The following SLC35F4 variants were observed in gnomAD, a reference collection of about 807,000 sequenced individuals.
SLC35F4 encodes the protein chromosome 14 open reading frame 36.
In SLC35F4, 24 loss-of-function variants were observed where a neutral mutation model predicts 44.2. The ratio of observed to expected loss-of-function variants is 0.54; its 90% CI spans 0.39 to 0.76. SLC35F4 has a LOEUF of 0.76. Among genes scored for constraint, SLC35F4 ranks in the 30% least tolerant of loss-of-function variants. The probability of loss-of-function intolerance (pLI) is 0.00; values close to 1 mark genes in which losing one functional copy is unlikely to be tolerated. For synonymous variants in SLC35F4, 238 were observed against 223.6 expected (o/e 1.06, Z -0.57); for missense variants, 562 against 586.1 (o/e 0.96, Z 0.42).
At chr14:57,813,821 C>T (rs1039540518) in intron 1 of SLC35F4, among the ~76,000 whole-genome samples, 29 of 152,028 alleles carry the variant, frequency 1.9e-4, no homozygotes, top group Admixed American at 1.1e-3. Context: ...CTGGCTCAGC[C>T]GCAGGCCACA....
At chr14:57,595,898 C>A (rs1338506987) in intron 1 of SLC35F4, 1 of 152,152 alleles carries the variant, frequency 6.6e-6, no homozygotes, top group East Asian at 1.9e-4. Context: ...GTTGCCAGAA[C>A]CTAGGATGGA....
intron 1 of SLC35F4, among the ~76,000 whole-genome samples, chr14:57,886,879 G>A (rs185281471): frequency 7.9e-5 from 12 of 152,256 alleles, no homozygotes; most frequent in Admixed American, 2.0e-4. Context: ...AGGAAGTGTC[G>A]AGAAGGAAAG....
At chr14:57,643,883 A>T (rs1425369138) in intron 1 of SLC35F4, among the ~76,000 whole-genome samples, 3 of 151,640 alleles carry the variant, frequency 2.0e-5, no homozygotes, top group South Asian at 2.1e-4. Context: ...TTTTTTGTCC[A>T]TGCGATAGTT....
Position 57,629,846 on chromosome 14 carries a change from G to T in SLC35F4, c.104-35722C>A. On this transcript the variant is annotated intron_variant, in intron 1 of 7. Transcript: ENST00000556826. ...TGGGAGTGGAGGATCGGCAGCCGGA[G>T]ATGCAGACAGTTTGCTGAGACTGCT... 8 of 338,772 alleles carry T rather than the reference G, an allele frequency of 2.4e-5. 1 individual carries two copies. Among genetic ancestry groups the T allele is most frequent in the South Asian group, 1.2e-4 (5 of 41,622 alleles). The allele number at this position is 338,772 out of a possible 1,614,324, so 21.0% of individuals were successfully genotyped here.
At chr14:57,604,920 C>A (rs2071057633) in intron 1 of SLC35F4, among the ~76,000 whole-genome samples, 1 of 152,116 alleles carries the variant, frequency 6.6e-6, no homozygotes, top group Non-Finnish European at 1.5e-5. Context: ...AAGAATGAAA[C>A]TGGACCCATA....
Position 57,966,838 on chromosome 14 carries a change from C to T in SLC35F4, n.282+15075G>A, listed in dbSNP as rs540530591. Among the ~76,000 whole-genome samples, 38 of 152,076 alleles carry T rather than the reference C, an allele frequency of 2.5e-4. No individual in the cohort carries two copies. In the South Asian group the frequency reaches 5.4e-3, roughly 22 times the overall value. On this transcript the variant is annotated intron_variant and non_coding_transcript_variant, in intron 1 of 1. Transcript: ENST00000556568. ...CAGCCTGGCCAACATGGCGAAACCC[C>T]GTCTCTACTAAAAATACAAAAATCA...
At chr14:57,629,472 C>T (rs1321099572) in intron 1 of SLC35F4, among the ~76,000 whole-genome samples, 1 of 151,844 alleles carries the variant, frequency 6.6e-6, no homozygotes, top group Admixed American at 6.6e-5. Flanking sequence ...CATGGTGCAA[C>T]CAGAAGGAAG....
intron 1 of SLC35F4, among the ~76,000 whole-genome samples, chr14:57,943,763 A>T (rs764143577): frequency 2.6e-5 from 4 of 152,180 alleles, no homozygotes; most frequent in Admixed American, 2.0e-4. Context: ...TCTAATTCTA[A>T]ATCTTGAGAA....
chr14:57,794,961 T>A (rs1468237960), intron 1 of SLC35F4, among the ~76,000 whole-genome samples: 1 of 152,150 alleles, frequency 6.6e-6, no homozygotes, highest in Non-Finnish European at 1.5e-5. Flanking sequence ...GGGTTTTGAA[T>A]TCCTGCTCCA....
rs144904099 is a variant in SLC35F4, at chr14:57,908,851, C to T, written n.282+73062G>A. On this transcript the variant is annotated intron_variant and non_coding_transcript_variant, in intron 1 of 1. Coordinates refer to the SLC35F4 transcript ENST00000556568. Reference sequence around the variant, plus strand: ...GTTTTTGGCGTTTTAGTCATGAAGTCTTTGCCCATGCCTATGTCCTGAATG... The same window carrying T: ...GTTTTTGGCGTTTTAGTCATGAAGTTTTTGCCCATGCCTATGTCCTGAATG... Among the ~76,000 whole-genome samples, 1,272 of 152,264 alleles carry T rather than the reference C, an allele frequency of 8.4e-3. 4 individuals carry two copies. The highest frequency in any genetic ancestry group is 0.014 in the Middle Eastern group (4 of 294).
chr14:57,882,260 T>A (rs1419751971), intron 1 of SLC35F4, among the ~76,000 whole-genome samples: 1 of 152,104 alleles, frequency 6.6e-6, no homozygotes, highest in East Asian at 1.9e-4. Context: ...TTTGGTGTAT[T>A]TGCACCTGAG....
At chr14:57,936,745 G>T (rs1255013945) in intron 1 of SLC35F4, among the ~76,000 whole-genome samples, 1 of 152,236 alleles carries the variant, frequency 6.6e-6, no homozygotes, top group African/African-American at 2.4e-5. Context: ...CTGGACTTGT[G>T]CTGTGGGATG....
At chr14:57,631,322 T>A (rs960510340) in intron 1 of SLC35F4, among the ~76,000 whole-genome samples, 1 of 152,030 alleles carries the variant, frequency 6.6e-6, no homozygotes, top group Non-Finnish European at 1.5e-5. Flanking sequence ...CTATGAAGAT[T>A]TGGAAAATAG....
In SLC35F4 at chr14:57,889,147, G is replaced by T. The variant is rs1048488978; in HGVS notation, n.282+92766C>A. Among the ~76,000 whole-genome samples, 8 of 152,288 alleles carry T rather than the reference G, an allele frequency of 5.3e-5. No individual in the cohort carries two copies. In the East Asian group the frequency reaches 7.7e-4, roughly 15 times the overall value. ...CATGTATTTAGCAACCAGTTTTAGA[G>T]CTGCCCTATATAAACGATTTGGCTT... On this transcript the variant is annotated intron_variant and non_coding_transcript_variant, in intron 1 of 1. Transcript: ENST00000556568.
At chr14:57,690,447 T>A (rs2075198138) in intron 1 of SLC35F4, among the ~76,000 whole-genome samples, 1 of 152,072 alleles carries the variant, frequency 6.6e-6, no homozygotes, top group Non-Finnish European at 1.5e-5. Flanking sequence ...GAGATTTTCA[T>A]GTTTTTCTTG....
chr14:57,657,830 G>A (rs1043911086), intron 1 of SLC35F4, among the ~76,000 whole-genome samples: 1 of 152,164 alleles, frequency 6.6e-6, no homozygotes, highest in Non-Finnish European at 1.5e-5. Flanking sequence ...GATTGGGAAG[G>A]TGCCTAAAGA....
downstream of SLC35F4, among the ~76,000 whole-genome samples, chr14:57,974,202 G>A (rs1881141549): frequency 6.6e-6 from 1 of 152,046 alleles, no homozygotes; most frequent in Non-Finnish European, 1.5e-5. Context: ...GGGTTGCGTG[G>A]AAGACTGGCC....
intron 1 of SLC35F4, among the ~76,000 whole-genome samples, chr14:57,916,842 C>G (rs1197465192): frequency 2.6e-5 from 4 of 151,994 alleles, no homozygotes; most frequent in Admixed American, 6.6e-5. Context: ...ATTTTAAAAC[C>G]TTTTTTAAAT....
chr14:57,729,151 T>C (rs1051849770), intron 1 of SLC35F4, among the ~76,000 whole-genome samples: 1 of 152,192 alleles, frequency 6.6e-6, no homozygotes, highest in Admixed American at 6.5e-5. Context: ...GGGCTAAACC[T>C]GCTTGGTGTT....
Sources: allele counts gnomAD v4.1 joint callset (sites outside exome capture counted in the v4.1 genomes callset), GRCh38; gene constraint gnomAD v4.1.1; transcripts MANE v1.5; gene names NCBI Gene and HGNC (gene_info 2026-07-23, HGNC 2026-07-21).